CNTN1: variants seen among roughly 807,000 people sequenced by gnomAD.
The protein encoded by CNTN1 is contactin-1.
CNTN1 carries 38 observed loss-of-function variants against 126.4 expected under a neutral mutation model. The ratio of observed to expected loss-of-function variants is 0.30; its 90% confidence interval spans 0.23 to 0.39. CNTN1 has a LOEUF of 0.39. Among genes scored for constraint, CNTN1 ranks in the 10% least tolerant of loss-of-function variants. The pLI is 1.00. For synonymous variants in CNTN1, 413 were observed against 422.6 expected, an observed-to-expected ratio of 0.98 and a Z score of 0.28; for missense variants, 1,009 against 1,248.4, an observed-to-expected ratio of 0.81 and a Z score of 2.89.
At chr12:40,941,834 A>C (rs1462391770) in intron 12 of CNTN1, among the ~76,000 whole-genome samples, 1 of 152,098 alleles carries the variant, frequency 6.6e-6, no homozygotes, top group Non-Finnish European at 1.5e-5. Context: ...TCTGGAAATA[A>C]GGATAAGATC....
At chr12:40,801,010 G>GT (rs35813803) in intron 1 of CNTN1, among the ~76,000 whole-genome samples, 34,430 of 142,256 alleles carry the variant, frequency 0.24, 4,553 homozygotes, top group East Asian at 0.39. Context: ...TCAAACTAGA[G>GT]TTTTGTTTTT....
At chr12:40,991,771 T>A (rs755935851) in intron 16 of CNTN1, among the ~76,000 whole-genome samples, 13 of 152,202 alleles carry the variant, frequency 8.5e-5, no homozygotes, top group South Asian at 2.1e-4. Flanking sequence ...GAGCTTGCAG[T>A]AAGCAGAGAT....
chr12:40,888,304 T>C (rs934371210), intron 1 of CNTN1, among the ~76,000 whole-genome samples: 1 of 152,204 alleles, frequency 6.6e-6, no homozygotes, highest in Non-Finnish European at 1.5e-5. Context: ...TGTGATAGTG[T>C]TACCCATTTC....
chr12:40,900,078 TGAG>T (rs1269347526), intron 1 of CNTN1, among the ~76,000 whole-genome samples: 1 of 152,080 alleles, frequency 6.6e-6, no homozygotes, highest in African/African-American at 2.4e-5. Flanking sequence ...AAATGGCTGC[TGAG>T]GAGAAAAAAA....
At chr12:40,845,906 T>C (rs572877850) in intron 1 of CNTN1, among the ~76,000 whole-genome samples, 7 of 152,284 alleles carry the variant, frequency 4.6e-5, no homozygotes, top group Admixed American at 2.0e-4. Context: ...AAAAAATGAA[T>C]ATTAGTGGAA....
intron 1 of CNTN1, among the ~76,000 whole-genome samples, chr12:40,777,987 C>T (rs564995508): frequency 8.6e-5 from 13 of 151,860 alleles, no homozygotes; most frequent in Non-Finnish European, 1.5e-4. Flanking sequence ...GAAGTCCTTA[C>T]GCTAATGTAA....
At chr12:40,695,049 A>C (rs1410356302) in intron 1 of CNTN1, among the ~76,000 whole-genome samples, 2 of 152,206 alleles carry the variant, frequency 1.3e-5, no homozygotes, top group Non-Finnish European at 2.9e-5. Context: ...TCACTTGGGA[A>C]CTTAATCATA....
chr12:40,723,081 A>G (rs2121225512), intron 1 of CNTN1, among the ~76,000 whole-genome samples: 1 of 152,240 alleles, frequency 6.6e-6, no homozygotes, highest in Admixed American at 6.5e-5. Context: ...AGTAGCCGCC[A>G]TAGAGAGCTG....
chr12:41,039,945 A>G (rs1949360245), intron 23 of CNTN1, among the ~76,000 whole-genome samples: 1 of 152,150 alleles, frequency 6.6e-6, no homozygotes, highest in Non-Finnish European at 1.5e-5. Context: ...AAAATTGCTT[A>G]AGAAAGCCCC....
intron 1 of CNTN1, among the ~76,000 whole-genome samples, chr12:40,865,894 G>T (rs1305003277): frequency 6.6e-6 from 1 of 152,018 alleles, no homozygotes; most frequent in Non-Finnish European, 1.5e-5. Flanking sequence ...CATTCAATCT[G>T]TAGAATACTC....
intron 1 of CNTN1, among the ~76,000 whole-genome samples, chr12:40,869,118 T>C (rs1943403582): frequency 6.6e-6 from 1 of 151,796 alleles, no homozygotes. Flanking sequence ...GTTTTGATAG[T>C]TTATAAAACA....
intron 1 of CNTN1, among the ~76,000 whole-genome samples, chr12:40,906,425 A>G (rs1944818139): frequency 6.6e-6 from 1 of 152,166 alleles, no homozygotes; most frequent in Non-Finnish European, 1.5e-5. Context: ...TGGCCCATAT[A>G]TTACCATGGT....
At chr12:40,972,530 A>T (rs764008545) in intron 15 of CNTN1, 1 of 848,396 alleles carries the variant, frequency 1.2e-6, no homozygotes, top group Non-Finnish European at 1.4e-6. Flanking sequence ...GGAAATGAAT[A>T]TAACTCTTAA....
chr12:40,859,659 G>C (rs775922363), intron 1 of CNTN1, among the ~76,000 whole-genome samples: 9 of 152,058 alleles, frequency 5.9e-5, no homozygotes, highest in Non-Finnish European at 1.0e-4. Context: ...ACATTCAAGG[G>C]AAGAATCAAC....
chr12:40,696,929 ACATT>A (rs1208348957), intron 1 of CNTN1, among the ~76,000 whole-genome samples: 5 of 152,200 alleles, frequency 3.3e-5, no homozygotes, highest in Non-Finnish European at 5.9e-5. Context: ...TTTACAGTGA[ACATT>A]CACTTTTGTA....
chr12:40,965,620 A>C (rs759883655), intron 15 of CNTN1, among the ~76,000 whole-genome samples: 1 of 152,154 alleles, frequency 6.6e-6, no homozygotes, highest in Non-Finnish European at 1.5e-5. Flanking sequence ...TGTAATCATT[A>C]ATTCTTGGAT....
At chr12:41,059,962 GC>G (rs748688143) in intron 23 of CNTN1, among the ~76,000 whole-genome samples, 1 of 152,228 alleles carries the variant, frequency 6.6e-6, no homozygotes. Context: ...GGAAGTAAAG[GC>G]TTTGGTGAGC....
chr12:40,909,224 AT>A (rs1158585411), intron 2 of CNTN1, among the ~76,000 whole-genome samples: 1 of 152,104 alleles, frequency 6.6e-6, no homozygotes, highest in Non-Finnish European at 1.5e-5. Context: ...ACAAAGAAAT[AT>A]TATATTTCTG....
At chr12:40,937,379 C>T (rs1592284522) in intron 10 of CNTN1, among the ~76,000 whole-genome samples, 191 bp from the exon 11 acceptor site, 1 of 152,078 alleles carries the variant, frequency 6.6e-6, no homozygotes, top group Non-Finnish European at 1.5e-5. Context: ...ATGAATAGAA[C>T]AAGAGCCTTT....
Sources: gnomAD v4.1 joint callset for allele counts (sites outside exome capture counted in the v4.1 genomes callset) on GRCh38, gnomAD v4.1.1 for gene constraint, MANE v1.5 for transcripts, NCBI Gene and HGNC (gene_info 2026-07-23, HGNC 2026-07-21) for gene names.